SGCZ: variants seen among roughly 807,000 people sequenced by gnomAD.
SGCZ encodes zeta-sarcoglycan.
Under a neutral mutation model 41.3 loss-of-function variants are expected in SGCZ, and 40 were observed. The ratio of observed to expected loss-of-function variants is 0.97; its 90% CI spans 0.75 to 1.26. The LOEUF (loss-of-function observed/expected upper bound fraction) is 1.26, where lower values mean the gene tolerates loss of function less well. Ranked by LOEUF, SGCZ falls within the 50% of genes most tolerant of loss-of-function variation. The pLI, the probability that SGCZ is intolerant of heterozygous loss-of-function variation, is 0.00. For missense variants in SGCZ, 552 were observed against 369.8 expected, an observed-to-expected ratio of 1.49 and a Z score of -4.04; for synonymous variants, 206 against 137.5, an observed-to-expected ratio of 1.50 and a Z score of -3.49.
chr8:14,975,286 A>G (rs910593094), intron 1 of SGCZ, among the ~76,000 whole-genome samples: 5 of 152,178 alleles, frequency 3.3e-5, no homozygotes, highest in African/African-American at 1.2e-4. Context: ...AGCCTGGGCG[A>G]CAGAGCAAAA....
At chr8:14,969,427 G>A (rs1168346849) in intron 1 of SGCZ, among the ~76,000 whole-genome samples, 3 of 151,830 alleles carry the variant, frequency 2.0e-5, no homozygotes, top group Non-Finnish European at 2.9e-5. Flanking sequence ...GGAAAGCTTC[G>A]ACATATCTAT....
At chr8:14,111,965 A>C (rs2117012857) in intron 5 of SGCZ, among the ~76,000 whole-genome samples, 1 of 152,306 alleles carries the variant, frequency 6.6e-6, no homozygotes, top group Admixed American at 6.5e-5. Flanking sequence ...GGCTATCTAT[A>C]TTCTAAATGC....
chr8:14,439,550 G>C (rs918713290), intron 2 of SGCZ, among the ~76,000 whole-genome samples: 2 of 151,514 alleles, frequency 1.3e-5, no homozygotes, highest in East Asian at 1.9e-4. Context: ...TATTAGCAAA[G>C]GGAATTCGTA....
chr8:14,193,325 T>C (rs1420441596), intron 4 of SGCZ, among the ~76,000 whole-genome samples: 5 of 71,264 alleles, frequency 7.0e-5, no homozygotes, highest in Non-Finnish European at 2.7e-5. Context: ...CTATAAAAAA[T>C]GCAGCATGCT....
intron 1 of SGCZ, among the ~76,000 whole-genome samples, chr8:14,909,465 T>C (rs999440889): frequency 3.3e-5 from 5 of 152,158 alleles, no homozygotes; most frequent in Admixed American, 3.3e-4. Flanking sequence ...TTTCTTTTTC[T>C]TTTAAAATCT....
intron 1 of SGCZ, among the ~76,000 whole-genome samples, chr8:14,566,242 T>C (rs1164885382): frequency 2.0e-5 from 3 of 152,238 alleles, no homozygotes; most frequent in Non-Finnish European, 4.4e-5. Flanking sequence ...TCTTGAATTA[T>C]TTACATTTTA....
chr8:14,281,652 C>G (rs914089110), intron 3 of SGCZ, among the ~76,000 whole-genome samples: 3 of 151,968 alleles, frequency 2.0e-5, no homozygotes, highest in East Asian at 3.9e-4. Flanking sequence ...GTCAAATTCT[C>G]TTAATACAAA....
chr8:15,182,731 A>C (rs1416974763), intron 1 of SGCZ, among the ~76,000 whole-genome samples: 1 of 152,222 alleles, frequency 6.6e-6, no homozygotes, highest in African/African-American at 2.4e-5. Context: ...CTGTACACTT[A>C]AAGTACACAA....
chr8:14,257,935 C>T (rs575918958), intron 3 of SGCZ, among the ~76,000 whole-genome samples: 2 of 152,116 alleles, frequency 1.3e-5, no homozygotes, highest in East Asian at 1.9e-4. Context: ...GACATATCTA[C>T]CTACCAATTC....
At chr8:14,794,348 A>G (rs1801053595) in intron 1 of SGCZ, among the ~76,000 whole-genome samples, 1 of 152,160 alleles carries the variant, frequency 6.6e-6, no homozygotes, top group Non-Finnish European at 1.5e-5. Context: ...AAAAAGAGAG[A>G]GATGAGAAAA....
chr8:14,086,184 C>T lies in SGCZ; in HGVS notation c.*4259G>A, dbSNP rs1400423556. ...TATTTGAAGAATTAGGTGACAAGAC[C>T]TCACTCATATAAAACTCAAATATGA... On this transcript the variant is annotated 3_prime_UTR_variant, in exon 8 of 8. Coordinates refer to ENST00000382080, the MANE Select transcript of SGCZ (RefSeq NM_139167.4). Among the ~76,000 whole-genome samples, 1 of 151,560 alleles carries T rather than the reference C, an allele frequency of 6.6e-6. No individual in the cohort carries two copies. The highest frequency in any genetic ancestry group is 1.5e-5 in the Non-Finnish European group (1 of 67,722).
chr8:14,948,191 G>C (rs768633602), intron 1 of SGCZ, among the ~76,000 whole-genome samples: 1 of 152,156 alleles, frequency 6.6e-6, no homozygotes, highest in African/African-American at 2.4e-5. Context: ...AAATTACTGA[G>C]TGAAGGAGGC....
intron 1 of SGCZ, 119 bp from the exon 2 acceptor site, chr8:14,555,045 C>T: frequency 1.2e-6 from 1 of 823,996 alleles, no homozygotes; most frequent in East Asian, 2.6e-5. Context: ...TGGCAGTGAG[C>T]ATTCAAATAA....
chr8:15,003,348 T>G (rs542976335), intron 1 of SGCZ, among the ~76,000 whole-genome samples: 40 of 152,272 alleles, frequency 2.6e-4, no homozygotes, highest in Non-Finnish European at 5.3e-4. Context: ...TTACTCAGTC[T>G]CAAGTATATC....
At chr8:14,297,084 G>C (rs929324605) in intron 3 of SGCZ, among the ~76,000 whole-genome samples, 1 of 151,972 alleles carries the variant, frequency 6.6e-6, no homozygotes, top group African/African-American at 2.4e-5. Context: ...AGCATGCCCA[G>C]CTAATTTTTT....
At chr8:14,216,755 C>G (rs1425463285) in intron 4 of SGCZ, among the ~76,000 whole-genome samples, 1 of 152,040 alleles carries the variant, frequency 6.6e-6, no homozygotes, top group East Asian at 1.9e-4. Context: ...AAAACCTACA[C>G]CTGTCATCAG....
chr8:14,104,780 G>C (rs1284843632), intron 6 of SGCZ, among the ~76,000 whole-genome samples: 2 of 152,048 alleles, frequency 1.3e-5, no homozygotes, highest in East Asian at 3.8e-4. Context: ...TGTTTCTAGA[G>C]ATTAACTTGG....
chr8:14,440,954 G>A (rs10098701), intron 2 of SGCZ, among the ~76,000 whole-genome samples: 4,764 of 152,078 alleles, frequency 0.031, 259 homozygotes, highest in African/African-American at 0.11. Context: ...AAGTCATGGA[G>A]ACTTTATGAA....
intron 3 of SGCZ, among the ~76,000 whole-genome samples, chr8:14,262,250 C>T (rs532652345): frequency 7.1e-4 from 108 of 152,194 alleles, no homozygotes; most frequent in African/African-American, 2.5e-3. Context: ...CTGATAAGGT[C>T]GAATGCTACA....
Sources: gnomAD v4.1 joint callset for allele counts (sites outside exome capture counted in the v4.1 genomes callset) on GRCh38, gnomAD v4.1.1 for gene constraint, MANE v1.5 for transcripts, NCBI Gene and HGNC (gene_info 2026-07-23, HGNC 2026-07-21) for gene names.